ISM1: variants seen among roughly 807,000 people sequenced by gnomAD.
ISM1 encodes the protein isthmin 1, also known as isthmin-1.
ISM1 carries 25 observed loss-of-function variants against 46.3 expected under a neutral mutation model. That is an observed-to-expected ratio of 0.54 (90% CI 0.39 to 0.75). ISM1 has a LOEUF of 0.75. Ranked by LOEUF, ISM1 falls within the 30% of genes least tolerant of loss-of-function variation. ISM1 has a pLI of 0.00. For missense variants in ISM1, 536 were observed against 625.4 expected (o/e 0.86, Z 1.52); for synonymous variants, 255 against 256.7 (o/e 0.99, Z 0.06).
rs766774336 is a variant in ISM1 at position 13,268,114 on chromosome 20, GTCTTCTCTTCTCTTC to G, written c.139-2364_139-2350del. On this transcript the variant is annotated intron_variant, in intron 1 of 5. Transcript: ENST00000262487. ...GATAGCATGCTCTCTCTCCTCTCCT[GTCTTCTCTTCTCTTC>G]TCTTCTCTTCTCTTCTCTTCTCTTC... 8.4e-4 allele frequency among the ~76,000 whole-genome samples: 118 copies of G among 140,500 alleles called. 1 individual carries two copies. Among genetic ancestry groups the G allele is most frequent in the African/African-American group, 2.5e-3 (93 of 36,494 alleles). 92.2% of individuals were successfully genotyped at this position (140,500 alleles called of 152,430 possible). A position where few individuals can be genotyped will look rare whatever the true frequency, so the allele number is the denominator to read the frequency against.
chr20:13,281,283 T>G (rs1470246702), intron 3 of ISM1, among the ~76,000 whole-genome samples: 2 of 152,160 alleles, frequency 1.3e-5, no homozygotes, highest in African/African-American at 4.8e-5. Context: ...GGTAGAGATG[T>G]ACATCAAATG....
the ISM1 span, among the ~76,000 whole-genome samples, chr20:13,322,142 TCTC>T: frequency 6.6e-6 from 1 of 152,188 alleles, no homozygotes; most frequent in Non-Finnish European, 1.5e-5. Flanking sequence ...GTAAAGAGAT[TCTC>T]CTCCTGAACA....
At chr20:13,294,200 C>G (rs1319772784) in intron 5 of ISM1, among the ~76,000 whole-genome samples, 1 of 152,054 alleles carries the variant, frequency 6.6e-6, no homozygotes, top group Non-Finnish European at 1.5e-5. Flanking sequence ...TTTTTAAATG[C>G]TTGATAGAAA....
At chr20:13,243,760 CT>C (rs546159477) in intron 1 of ISM1, among the ~76,000 whole-genome samples, 137 of 152,318 alleles carry the variant, frequency 9.0e-4, no homozygotes, top group African/African-American at 3.2e-3. Flanking sequence ...TGCACTATGT[CT>C]ATCCATTAAC....
At chr20:13,292,676 C>T (rs1286261951) in intron 5 of ISM1, among the ~76,000 whole-genome samples, 1 of 152,160 alleles carries the variant, frequency 6.6e-6, no homozygotes, top group Non-Finnish European at 1.5e-5. Context: ...TCTGTGTTCA[C>T]TCTGCTCTCT....
intron 1 of ISM1, among the ~76,000 whole-genome samples, chr20:13,227,956 T>A (rs897353822): frequency 2.0e-5 from 3 of 148,856 alleles, no homozygotes; most frequent in Non-Finnish European, 3.0e-5. Flanking sequence ...TAGCTGCTGC[T>A]GCCTTTTTTT....
chr20:13,252,716 C>G (rs2039881337), intron 1 of ISM1, among the ~76,000 whole-genome samples: 1 of 151,974 alleles, frequency 6.6e-6, no homozygotes, highest in Non-Finnish European at 1.5e-5. Context: ...GACTGCACCA[C>G]TTGCACTCCA....
chr20:13,262,452 T>G (rs1409869823), intron 1 of ISM1, among the ~76,000 whole-genome samples: 2 of 152,092 alleles, frequency 1.3e-5, no homozygotes, highest in Admixed American at 1.3e-4. Context: ...GTGAAGGGTT[T>G]GTTTTTCTTT....
intron 1 of ISM1, among the ~76,000 whole-genome samples, chr20:13,240,063 A>G (rs531952078): frequency 6.6e-6 from 1 of 152,366 alleles, no homozygotes; most frequent in African/African-American, 2.4e-5. Context: ...TTAATATACA[A>G]CCAAACTGCA....
At chr20:13,229,559 A>C (rs1297213745) in intron 1 of ISM1, among the ~76,000 whole-genome samples, 3 of 152,210 alleles carry the variant, frequency 2.0e-5, no homozygotes, top group African/African-American at 4.8e-5. Flanking sequence ...CAATTTGTAT[A>C]TCCCCATCAA....
At chr20:13,294,232 A>G (rs2040384698) in intron 5 of ISM1, among the ~76,000 whole-genome samples, 1 of 152,130 alleles carries the variant, frequency 6.6e-6, no homozygotes, top group African/African-American at 2.4e-5. Flanking sequence ...AACAAATCCA[A>G]TCAGAAATGT....
the ISM1 span, among the ~76,000 whole-genome samples, chr20:13,313,149 C>G: frequency 1.3e-5 from 2 of 152,226 alleles, no homozygotes; most frequent in Non-Finnish European, 2.9e-5. Context: ...ATCCCTTCTA[C>G]AGCCTCCCCC....
chr20:13,222,893 T>C (rs1007334285), intron 1 of ISM1, among the ~76,000 whole-genome samples: 34 of 152,178 alleles, frequency 2.2e-4, no homozygotes, highest in East Asian at 1.9e-4. Flanking sequence ...CCAGGCGCGG[T>C]GGCTCACGCC....
intron 2 of ISM1, among the ~76,000 whole-genome samples, chr20:13,272,134 G>T (rs947549321): frequency 2.0e-5 from 3 of 152,074 alleles, no homozygotes; most frequent in Non-Finnish European, 1.5e-5. Flanking sequence ...CACCTTTTCT[G>T]TACTTTTTCC....
In ISM1 at chr20:13,299,129, G is replaced by A; in HGVS notation, c.1065G>A (p.Lys355=). Residue 355 remains lysine (K), a synonymous_variant, in exon 6 of 6, where the codon AAG becomes AAA. Transcript: ENST00000262487. The surrounding 1 kb of genome is among the most constrained non-coding windows in gnomAD (Gnocchi z 5.8). The part of the protein sequence containing the change: ...DFRWKDASGP[K]EKLEIYKPTA... ...GCTGGAAGGACGCCAGCGGGCCCAAGGAGAAGCTGGAGATCTACAAGCCCA... is the reference window on the plus strand; with the variant it reads ...GCTGGAAGGACGCCAGCGGGCCCAAAGAGAAGCTGGAGATCTACAAGCCCA... 1.2e-6 allele frequency: 2 copies of A among 1,613,236 alleles called. No homozygotes were observed. The highest frequency in any genetic ancestry group is 1.1e-5 in the South Asian group (1 of 90,904).
chr20:13,266,682 C>G (rs939677496), intron 1 of ISM1, among the ~76,000 whole-genome samples: 1 of 152,178 alleles, frequency 6.6e-6, no homozygotes, highest in Non-Finnish European at 1.5e-5. Flanking sequence ...AGAATGAATT[C>G]AATGGCATTT....
the ISM1 span, among the ~76,000 whole-genome samples, chr20:13,310,041 A>T: frequency 6.6e-6 from 1 of 152,216 alleles, no homozygotes; most frequent in Non-Finnish European, 1.5e-5. Context: ...ATTCGATGCA[A>T]TCCCTAACAA....
chr20:13,277,357 A>G (rs2040190900), intron 2 of ISM1, among the ~76,000 whole-genome samples: 1 of 152,130 alleles, frequency 6.6e-6, no homozygotes, highest in Non-Finnish European at 1.5e-5. Context: ...GGCTCTTGGC[A>G]GCCTCTCCCC....
chr20:13,222,017 C>T, intron 1 of ISM1, 103 bp downstream of exon 1: 2 of 1,102,508 alleles, frequency 1.8e-6, no homozygotes, highest in Non-Finnish European at 1.2e-6. Context: ...AGGTCCCCTG[C>T]CCCACCTAAG....
Sources: gnomAD v4.1 joint callset for allele counts (sites outside exome capture counted in the v4.1 genomes callset) on GRCh38, gnomAD v4.1.1 for gene constraint, Gnocchi (gnomAD v3.1) non-coding constraint, MANE v1.5 for transcripts, NCBI Gene and HGNC (gene_info 2026-07-23, HGNC 2026-07-21) for gene names.